DGKB: variants seen among roughly 807,000 people sequenced by gnomAD.
DGKB encodes diacylglycerol kinase beta.
A neutral mutation model predicts 114.3 loss-of-function variants in DGKB; 67 were observed. The ratio of observed to expected loss-of-function variants is 0.59; its 90% CI spans 0.48 to 0.72. The LOEUF (loss-of-function observed/expected upper bound fraction) is 0.72. Ranked by LOEUF, DGKB falls within the 30% of genes least tolerant of loss-of-function variation. The pLI is 0.00. For missense variants in DGKB, 907 were observed against 975.2 expected, an observed-to-expected ratio of 0.93 and a Z score of 0.93; for synonymous variants, 398 against 323.1, an observed-to-expected ratio of 1.23 and a Z score of -2.49.
intron 21 of DGKB, among the ~76,000 whole-genome samples, chr7:14,363,741 T>G (rs1345788980): frequency 2.0e-5 from 3 of 152,106 alleles, no homozygotes; most frequent in African/African-American, 7.2e-5. Context: ...GAGCAATTAT[T>G]TGCTACAAGA....
chr7:14,840,439 T>C (rs1847768125), intron 2 of DGKB, among the ~76,000 whole-genome samples: 1 of 152,194 alleles, frequency 6.6e-6, no homozygotes, highest in Non-Finnish European at 1.5e-5. Flanking sequence ...AAAGTCACTT[T>C]ATGAAATAGA....
At chr7:14,613,940 A>G (rs893082631) in intron 15 of DGKB, among the ~76,000 whole-genome samples, 6 of 152,036 alleles carry the variant, frequency 3.9e-5, no homozygotes, top group Non-Finnish European at 8.8e-5. Context: ...AAGAGTCCTT[A>G]TCTACACAAT....
At chr7:14,833,676 C>G (rs1426519468) in intron 2 of DGKB, among the ~76,000 whole-genome samples, 1 of 152,060 alleles carries the variant, frequency 6.6e-6, no homozygotes, top group Non-Finnish European at 1.5e-5. Context: ...TAGACTCATG[C>G]CCATGTACAC....
chr7:14,166,500 A>C (rs559015605), intron 25 of DGKB, among the ~76,000 whole-genome samples: 21 of 152,296 alleles, frequency 1.4e-4, no homozygotes, highest in African/African-American at 5.1e-4. Context: ...TCTGATGGAG[A>C]GAATTTAGCC....
chr7:14,629,878 C>A (rs1231274407), intron 14 of DGKB, among the ~76,000 whole-genome samples: 1 of 151,946 alleles, frequency 6.6e-6, no homozygotes, highest in African/African-American at 2.4e-5. Context: ...AGAATAAATT[C>A]TTTTGGATTT....
At chr7:14,825,016 G>GTATATATATATA (rs67135250) in intron 2 of DGKB, among the ~76,000 whole-genome samples, 23 of 92,392 alleles carry the variant, frequency 2.5e-4, no homozygotes, top group Non-Finnish European at 4.2e-4. Flanking sequence ...GTATGTGTAT[G>GTATATATATATA]TATATATATA....
chr7:14,854,154 G>T (rs1253223987), intron 1 of DGKB, among the ~76,000 whole-genome samples: 1 of 152,210 alleles, frequency 6.6e-6, no homozygotes, highest in Non-Finnish European at 1.5e-5. Flanking sequence ...GATTTGCCAA[G>T]TTAAACGTAT....
chr7:14,757,975 A>G (rs999230066), intron 2 of DGKB, among the ~76,000 whole-genome samples: 1 of 152,146 alleles, frequency 6.6e-6, no homozygotes, highest in Non-Finnish European at 1.5e-5. Context: ...AAATATGGGT[A>G]GCTAAGCCTC....
At chr7:14,889,674 C>T (rs1780875951) in intron 1 of DGKB, among the ~76,000 whole-genome samples, 1 of 151,378 alleles carries the variant, frequency 6.6e-6, no homozygotes, top group Non-Finnish European at 1.5e-5. Flanking sequence ...TCATAGGGAT[C>T]AATAGTTTAT....
intron 1 of DGKB, among the ~76,000 whole-genome samples, chr7:14,854,760 G>A (rs1322132409): frequency 6.6e-6 from 1 of 152,064 alleles, no homozygotes; most frequent in Non-Finnish European, 1.5e-5. Context: ...ACTGAAAGAG[G>A]GGTTGTTAGT....
chr7:14,731,797 T>C (rs1452243445), intron 5 of DGKB, among the ~76,000 whole-genome samples: 1 of 152,188 alleles, frequency 6.6e-6, no homozygotes, highest in Non-Finnish European at 1.5e-5. Flanking sequence ...TATCAGAAAT[T>C]GGTCATTGAA....
intron 6 of DGKB, among the ~76,000 whole-genome samples, chr7:14,717,088 A>G (rs560871019): frequency 2.6e-5 from 4 of 152,140 alleles, no homozygotes; most frequent in Non-Finnish European, 4.4e-5. Context: ...CTTTTTGAAT[A>G]GTGTGGTGAG....
intron 1 of DGKB, among the ~76,000 whole-genome samples, chr7:14,938,034 T>C (rs1785366782): frequency 6.6e-6 from 1 of 152,212 alleles, no homozygotes; most frequent in Non-Finnish European, 1.5e-5. Context: ...TTAAATATTT[T>C]GTTGTGCTGC....
At chr7:14,852,487 C>CAAAAAAAAAACAAAAAAAAAA (rs1554304256) in intron 1 of DGKB, among the ~76,000 whole-genome samples, 1 of 63,636 alleles carries the variant, frequency 1.6e-5, no homozygotes, top group Admixed American at 1.6e-4. Flanking sequence ...TAGTGAAAGT[C>CAAAAAAAAAACAAAAAAAAAA]AAAAAAAAAA....
At chr7:14,515,032 A>AAACAAAT (rs1788566105) in intron 20 of DGKB, among the ~76,000 whole-genome samples, 1 of 152,142 alleles carries the variant, frequency 6.6e-6, no homozygotes, top group African/African-American at 2.4e-5. Context: ...ACAAAAACAA[A>AAACAAAT]AACAAATAAC....
At chr7:14,840,079 T>C (rs115471473) in intron 2 of DGKB, among the ~76,000 whole-genome samples, 271 of 152,336 alleles carry the variant, frequency 1.8e-3, no homozygotes, top group African/African-American at 6.0e-3. Flanking sequence ...TAAGTCCCTA[T>C]ATGTGTTTAA....
chr7:14,153,372 T>G (rs965167834), intron 25 of DGKB, among the ~76,000 whole-genome samples: 6 of 152,156 alleles, frequency 3.9e-5, no homozygotes, highest in Admixed American at 3.9e-4. Context: ...CAGGAATTCT[T>G]GTACCTGCTA....
chr7:14,663,497 C>A (rs562204564), intron 13 of DGKB, among the ~76,000 whole-genome samples: 2 of 151,962 alleles, frequency 1.3e-5, no homozygotes, highest in Non-Finnish European at 2.9e-5. Flanking sequence ...GCCCACAGAT[C>A]AGGAGTTCAT....
intron 1 of DGKB, among the ~76,000 whole-genome samples, chr7:14,970,073 C>T (rs920406697): frequency 8.5e-5 from 13 of 152,184 alleles, no homozygotes; most frequent in African/African-American, 3.1e-4. Flanking sequence ...TTTATGGGAT[C>T]AATAGATCAT....
Sources: gnomAD v4.1 joint callset for allele counts (sites outside exome capture counted in the v4.1 genomes callset) on GRCh38, gnomAD v4.1.1 for gene constraint, MANE v1.5 for transcripts, NCBI Gene and HGNC (gene_info 2026-07-23, HGNC 2026-07-21) for gene names.